NEDD1: variants seen among roughly 807,000 people sequenced by gnomAD.
The protein encoded by NEDD1 is protein NEDD1.
NEDD1 carries 33 observed loss-of-function variants against 74.0 expected under a neutral mutation model. The ratio of observed to expected loss-of-function variants is 0.45; its 90% CI spans 0.34 to 0.60. The LOEUF is 0.60. NEDD1 is among the 20% of genes least tolerant of loss of function. The pLI is 0.01. For missense variants in NEDD1, 746 were observed against 776.5 expected, an observed-to-expected ratio of 0.96 and a Z score of 0.47; for synonymous variants, 250 against 264.4, an observed-to-expected ratio of 0.95 and a Z score of 0.53.
intron 5 of NEDD1, among the ~76,000 whole-genome samples, 173 bp downstream of exon 5, chr12:96,917,910 C>G (rs367647597): frequency 5.3e-5 from 8 of 152,002 alleles, no homozygotes; most frequent in African/African-American, 1.4e-4. Context: ...ATTTTTATGT[C>G]TTTTTTCTTA....
At chr12:96,911,318 A>G (rs1336492994) in intron 3 of NEDD1, among the ~76,000 whole-genome samples, 1 of 152,240 alleles carries the variant, frequency 6.6e-6, no homozygotes, top group Non-Finnish European at 1.5e-5. Flanking sequence ...CTGATGTGCT[A>G]CTTAATAGTC....
rs1565780064 is a variant in NEDD1, at chr12:96,907,651, G to GC, written c.-213dup. 6.4e-7 allele frequency: 1 copy of GC among 1,550,774 alleles called. No individual in the cohort carries two copies. The highest frequency in any genetic ancestry group is 2.4e-5 in the East Asian group (1 of 40,910). ...TTAGCCTCACTTGAGCTGTTGTCCT[G>GC]CAAGTAAAGTGTATTTTTGGTGATT... On this transcript the variant is annotated 5_prime_UTR_variant, in exon 2 of 16. Coordinates refer to ENST00000266742, the MANE Select transcript of NEDD1 (RefSeq NM_152905.4).
intron 14 of NEDD1, among the ~76,000 whole-genome samples, chr12:96,946,506 C>T (rs1303564335): frequency 1.3e-5 from 2 of 152,048 alleles, no homozygotes; most frequent in Non-Finnish European, 2.9e-5. Flanking sequence ...AGAAAATGTG[C>T]AGTTTTTGTT....
intron 6 of NEDD1, among the ~76,000 whole-genome samples, chr12:96,929,030 A>G (rs981896200): frequency 4.0e-5 from 6 of 151,104 alleles, no homozygotes; most frequent in Admixed American, 2.0e-4. Context: ...GTCTTTTTTT[A>G]TTTTTGGAAA....
At chr12:96,927,743 A>G (rs772008132) in intron 6 of NEDD1, among the ~76,000 whole-genome samples, 21 of 152,216 alleles carry the variant, frequency 1.4e-4, no homozygotes, top group Non-Finnish European at 1.8e-4. Context: ...TGATAAATGT[A>G]AATATTAATT....
chr12:96,950,619 A>C (rs988566434), intron 14 of NEDD1, among the ~76,000 whole-genome samples: 1 of 151,968 alleles, frequency 6.6e-6, no homozygotes, highest in Admixed American at 6.6e-5. Context: ...GTAATGCTCA[A>C]AAACATGCAC....
At chr12:96,928,838 T>C (rs1876022335) in intron 6 of NEDD1, among the ~76,000 whole-genome samples, 1 of 151,580 alleles carries the variant, frequency 6.6e-6, no homozygotes, top group African/African-American at 2.4e-5. Flanking sequence ...AGGCGCCTGC[T>C]ACCACGCCTG....
chr12:96,944,773 A>T lies in NEDD1; in HGVS notation c.1632A>T (p.Pro544=), dbSNP rs1397987312. 1 of 1,567,520 alleles carries T rather than the reference A, an allele frequency of 6.4e-7. No homozygotes were observed. The highest frequency in any genetic ancestry group is 8.6e-7 in the Non-Finnish European group (1 of 1,162,060). The change falls in exon 13 of 16, where the codon CCA becomes CCT. Residue 544 remains proline (P), a synonymous_variant. Transcript: ENST00000266742. ...AAGCCCAGTTGATATGTGAACCCCC[A>T]ATCAATGGATCCTCAACTCCAAGTA... ...EIEAQLICEP[P]INGSSTPNPK... is the part of the protein sequence containing the mutation.
chr12:96,937,185 C>T lies in NEDD1; in HGVS notation c.922-13C>T. The T allele has an allele frequency of 6.7e-7, 1 of 1,498,494 alleles. No individual in the cohort carries two copies. The highest frequency in any genetic ancestry group is 2.4e-5 in the East Asian group (1 of 41,970). 92.8% of individuals were successfully genotyped at this position (1,498,494 alleles called of 1,614,324 possible). On this transcript the variant is annotated splice_polypyrimidine_tract_variant and intron_variant, in intron 8 of 15. Transcript: ENST00000266742. ...TAGTAACCTGAGCTTTTAAATATTC[C>T]ATTACATTTCAGTCAAGTTTAAATA...
chr12:96,926,344 A>G (rs1875688254), intron 6 of NEDD1, among the ~76,000 whole-genome samples: 1 of 152,168 alleles, frequency 6.6e-6, no homozygotes, highest in African/African-American at 2.4e-5. Flanking sequence ...CCCTGGAACA[A>G]ATGGTTATAT....
At chr12:96,912,921 CATT>C in intron 4 of NEDD1, 104 bp downstream of exon 4, 1 of 602,066 alleles carries the variant, frequency 1.7e-6, no homozygotes, top group Non-Finnish European at 2.9e-6. Flanking sequence ...TTTTTAAAAG[CATT>C]ATTTTTAACT....
Position 96,938,837 on chromosome 12 carries a change from A to T in NEDD1, c.1117+1444A>T, listed in dbSNP as rs201152071. Among the ~76,000 whole-genome samples the T allele has an allele frequency of 5.5e-4, 25 of 45,446 alleles. 2 individuals are homozygous for T. The highest frequency in any genetic ancestry group is 2.7e-3 in the Admixed American group (13 of 4,812). 29.8% of individuals were successfully genotyped at this position (45,446 alleles called of 152,430 possible). On this transcript the variant is annotated intron_variant, in intron 9 of 15. Transcript: ENST00000266742. ...GTCTCTCATTCTCTCTCTCTCTCTC[A>T]CACACACACACATTTTTCTTTGCCT...
Position 96,953,554 on chromosome 12 carries a change from A to C in NEDD1, c.*1501A>C, listed in dbSNP as rs149902497. The stretch of plus-strand genomic sequence containing the variant: ...AATATTTTCCTGTTGCTTTTTTAAA[A>C]AAATAAATACACATAATGTATATTA... On this transcript the variant is annotated 3_prime_UTR_variant, in exon 16 of 16. Transcript: ENST00000266742. The C allele has an allele frequency of 1.3e-5, 2 of 151,436 alleles. No homozygotes were observed. The highest frequency in any genetic ancestry group is 3.9e-4 in the East Asian group (2 of 5,190). The allele number at this position is 151,436 out of a possible 1,614,324, so 9.4% of individuals were successfully genotyped here.
At chr12:96,948,059 GC>G (rs1878365706) in intron 14 of NEDD1, among the ~76,000 whole-genome samples, 1 of 152,114 alleles carries the variant, frequency 6.6e-6, no homozygotes, top group Non-Finnish European at 1.5e-5. Context: ...CCTATCATTG[GC>G]AGGACAGAGA....
intron 6 of NEDD1, among the ~76,000 whole-genome samples, chr12:96,927,261 G>A (rs1875816709): frequency 6.6e-6 from 1 of 152,114 alleles, no homozygotes; most frequent in Non-Finnish European, 1.5e-5. Context: ...ATAGGAATGT[G>A]GAATCTCACA....
At chr12:96,946,826 C>T (rs565773069) in intron 14 of NEDD1, among the ~76,000 whole-genome samples, 2 of 152,144 alleles carry the variant, frequency 1.3e-5, no homozygotes, top group Non-Finnish European at 2.9e-5. Context: ...ATAAAGTACA[C>T]CTGAACACAG....
chr12:96,932,415 T>C lies in NEDD1; in HGVS notation c.490-2561T>C, dbSNP rs1431250589. ...TGAGTCCAGGAGTTTGAGACCAGCC[T>C]GGGCAAAATGGCAAAATCCTGTCTC... On this transcript the variant is annotated intron_variant, in intron 6 of 15. Coordinates refer to ENST00000266742, the MANE Select transcript of NEDD1 (RefSeq NM_152905.4). Among the ~76,000 whole-genome samples the C allele has an allele frequency of 8.8e-5, 8 of 90,510 alleles. 1 individual carries two copies. In the Admixed American group the frequency reaches 9.3e-4, roughly 11 times the overall value. 59.4% of individuals were successfully genotyped at this position (90,510 alleles called of 152,430 possible). A position where few individuals can be genotyped will look rare whatever the true frequency, so the allele number is the denominator to read the frequency against.
intron 8 of NEDD1, 100 bp downstream of exon 8, chr12:96,936,912 A>T (rs772213553): frequency 1.5e-6 from 1 of 677,564 alleles, no homozygotes; most frequent in Admixed American, 3.0e-5. Flanking sequence ...GTTTTGTTTC[A>T]TAATTACATA....
chr12:96,930,980 T>TC (rs1461084630), intron 6 of NEDD1, among the ~76,000 whole-genome samples: 5 of 152,178 alleles, frequency 3.3e-5, no homozygotes, highest in African/African-American at 1.2e-4. Context: ...TTTGAAGATG[T>TC]TAGTTACTGC....
Sources: gnomAD v4.1 joint callset for allele counts (sites outside exome capture counted in the v4.1 genomes callset) on GRCh38, gnomAD v4.1.1 for gene constraint, MANE v1.5 for transcripts, NCBI Gene and HGNC (gene_info 2026-07-23, HGNC 2026-07-21) for gene names.